The following NLGN1 variants were observed in gnomAD, a reference collection of about 807,000 sequenced individuals.
The protein encoded by NLGN1 is neuroligin-1.
In NLGN1, 12 loss-of-function variants were observed where a neutral mutation model predicts 65.5. The observed-to-expected ratio is 0.18, with a 90% CI of 0.12 to 0.30. NLGN1 has a LOEUF of 0.30. NLGN1 is among the 10% of genes least tolerant of loss of function. The pLI, the probability that NLGN1 is intolerant of heterozygous loss-of-function variation, is 1.00. For synonymous variants in NLGN1, 350 were observed against 359.5 expected, an observed-to-expected ratio of 0.97 and a Z score of 0.30; for missense variants, 750 against 1,007.1, an observed-to-expected ratio of 0.74 and a Z score of 3.46.
rs780464203 is a variant in NLGN1, at chr3:173,918,331, C to T, written c.646+110499C>T. Among the ~76,000 whole-genome samples, 6 of 152,032 alleles carry T rather than the reference C, an allele frequency of 3.9e-5. 1 individual carries two copies. The highest frequency in any genetic ancestry group is 9.6e-5 in the African/African-American group (4 of 41,474). On this transcript the variant is annotated intron_variant, in intron 4 of 6. Transcript: ENST00000457714. ...CACATCTACAAAAGGTATCAAACAC[C>T]GGAATTTTAAAATGCATAGAATGGG...
intron 3 of NLGN1, among the ~76,000 whole-genome samples, chr3:173,682,248 T>A (rs1272538097): frequency 6.6e-6 from 1 of 152,094 alleles, no homozygotes; most frequent in East Asian, 1.9e-4. Flanking sequence ...TATTTTCAAA[T>A]TTTTCATACA....
chr3:173,978,942 T>C (rs1000444632), intron 4 of NLGN1, among the ~76,000 whole-genome samples: 2 of 151,610 alleles, frequency 1.3e-5, no homozygotes, highest in African/African-American at 4.8e-5. Flanking sequence ...GAGGCAGAGA[T>C]TGCAGCGAGC....
chr3:173,412,009 G>A (rs1415389700), intron 1 of NLGN1, among the ~76,000 whole-genome samples: 1 of 152,072 alleles, frequency 6.6e-6, no homozygotes, highest in African/African-American at 2.4e-5. Context: ...CCAAATTATG[G>A]GACTAGTAGC....
chr3:174,096,674 C>T (rs1311404241), intron 4 of NLGN1, among the ~76,000 whole-genome samples: 1 of 152,128 alleles, frequency 6.6e-6, no homozygotes, highest in Non-Finnish European at 1.5e-5. Flanking sequence ...ATTTGTAACA[C>T]TAAAGTCCAC....
chr3:174,026,168 C>A (rs1455965589), intron 4 of NLGN1, among the ~76,000 whole-genome samples: 1 of 151,968 alleles, frequency 6.6e-6, no homozygotes, highest in African/African-American at 2.4e-5. Context: ...TCTCTGTCAT[C>A]CAGGCTGGAG....
At chr3:173,463,544 A>ATTGTCATTATCATCATCG (rs1361001848) in intron 2 of NLGN1, among the ~76,000 whole-genome samples, 1 of 152,088 alleles carries the variant, frequency 6.6e-6, no homozygotes, top group East Asian at 1.9e-4. Flanking sequence ...TAATACTGTT[A>ATTGTCATTATCATCATCG]TTGTCATTAT....
chr3:174,212,041 G>T (rs894667664), intron 4 of NLGN1, among the ~76,000 whole-genome samples: 6 of 152,164 alleles, frequency 3.9e-5, no homozygotes, highest in East Asian at 1.9e-4. Flanking sequence ...CGCCCGGGAG[G>T]CTCGGGCTGC....
chr3:173,479,641 T>C (rs1411575933), intron 2 of NLGN1, among the ~76,000 whole-genome samples: 21 of 152,238 alleles, frequency 1.4e-4, no homozygotes, highest in Non-Finnish European at 7.4e-5. Flanking sequence ...TCATTGGCCA[T>C]GTGCCTGTCT....
chr3:173,968,421 T>A (rs1017533169), intron 4 of NLGN1, among the ~76,000 whole-genome samples: 4 of 152,106 alleles, frequency 2.6e-5, no homozygotes, highest in Non-Finnish European at 4.4e-5. Flanking sequence ...TATATTTATT[T>A]CTATATCTAT....
At chr3:173,911,196 G>A (rs1166271288) in intron 4 of NLGN1, among the ~76,000 whole-genome samples, 1 of 152,096 alleles carries the variant, frequency 6.6e-6, no homozygotes, top group East Asian at 1.9e-4. Flanking sequence ...AAAAATAATT[G>A]TTTAAGCTGT....
At chr3:174,085,233 A>T (rs7640787) in intron 4 of NLGN1, among the ~76,000 whole-genome samples, 4,818 of 152,112 alleles carry the variant, frequency 0.032, 247 homozygotes, top group African/African-American at 0.1. Flanking sequence ...AATTTTCCAG[A>T]TAAAATCTTG....
intron 4 of NLGN1, among the ~76,000 whole-genome samples, chr3:174,251,645 T>G (rs990280412): frequency 6.6e-6 from 1 of 152,256 alleles, no homozygotes; most frequent in Non-Finnish European, 1.5e-5. Context: ...CATTATTTTC[T>G]GTAGAATTTA....
chr3:173,711,080 A>C (rs1768878451), intron 3 of NLGN1, among the ~76,000 whole-genome samples: 1 of 152,224 alleles, frequency 6.6e-6, no homozygotes, highest in African/African-American at 2.4e-5. Context: ...GAAGATCCAT[A>C]ATTGGTCATA....
chr3:173,910,357 A>C (rs1013640149), intron 4 of NLGN1: 2 of 152,174 alleles, frequency 1.3e-5, no homozygotes, highest in African/African-American at 2.4e-5. Flanking sequence ...TTGAAGGACA[A>C]GGACAGGAAA....
At chr3:174,004,584 G>A (rs1004352240) in intron 4 of NLGN1, among the ~76,000 whole-genome samples, 6 of 152,190 alleles carry the variant, frequency 3.9e-5, no homozygotes, top group South Asian at 4.1e-4. Flanking sequence ...TCTATTTAAC[G>A]AAATTAGATA....
intron 4 of NLGN1, among the ~76,000 whole-genome samples, chr3:174,044,592 A>G (rs571720322): frequency 6.6e-6 from 1 of 152,242 alleles, no homozygotes; most frequent in Admixed American, 6.5e-5. Context: ...AGACCACCTC[A>G]GCCTCTCAGC....
Position 173,465,780 on chromosome 3 carries a change from G to T in NLGN1, c.-321+30702G>T, listed in dbSNP as rs570318568. Among the ~76,000 whole-genome samples the T allele has an allele frequency of 5.3e-4, 80 of 152,294 alleles. 1 individual carries two copies. The highest frequency in any genetic ancestry group is 1.8e-3 in the African/African-American group (76 of 41,574). On this transcript the variant is annotated intron_variant, in intron 2 of 6. Coordinates refer to ENST00000457714, the Ensembl canonical transcript of NLGN1. ...GGCAAAGAAAAATATGGTAGAACAT[G>T]CAGTTGGAATATGCCAGTGCCTCCA...
At chr3:173,587,224 T>G (rs1404628228) in intron 2 of NLGN1, among the ~76,000 whole-genome samples, 10 of 152,176 alleles carry the variant, frequency 6.6e-5, no homozygotes, top group Non-Finnish European at 1.5e-4. Context: ...AACAATACTT[T>G]CTACTCCCCT....
chr3:173,464,092 G>T (rs1400888839), intron 2 of NLGN1, among the ~76,000 whole-genome samples: 1 of 151,930 alleles, frequency 6.6e-6, no homozygotes, highest in Non-Finnish European at 1.5e-5. Flanking sequence ...AAGCATTAAG[G>T]TATATAGGGC....
Sources: allele counts gnomAD v4.1 joint callset (sites outside exome capture counted in the v4.1 genomes callset), GRCh38; gene constraint gnomAD v4.1.1; transcripts MANE v1.5; gene names NCBI Gene and HGNC (gene_info 2026-07-23, HGNC 2026-07-21).